PRIMPOL: variants seen among roughly 807,000 people sequenced by gnomAD.
PRIMPOL encodes the protein DNA-directed primase/polymerase protein.
In PRIMPOL, 54 loss-of-function variants were observed where a neutral mutation model predicts 63.6. The observed-to-expected ratio is 0.85, with a 90% CI of 0.68 to 1.07. The LOEUF is 1.07. Ranked by LOEUF, PRIMPOL falls within the 50% of genes least tolerant of loss-of-function variation. The probability of loss-of-function intolerance (pLI) is 0.00; values close to 1 mark genes in which losing one functional copy is unlikely to be tolerated. For synonymous variants in PRIMPOL, 197 were observed against 220.2 expected (o/e 0.89, Z 0.93); for missense variants, 610 against 648.3 (o/e 0.94, Z 0.64).
intron 6 of PRIMPOL, among the ~76,000 whole-genome samples, 153 bp from the exon 7 acceptor site, chr4:184,672,020 G>A (rs909529546): frequency 1.3e-5 from 2 of 152,204 alleles, no homozygotes; most frequent in South Asian, 2.1e-4. Flanking sequence ...GATTACAGGC[G>A]TGAGCCACTG....
chr4:184,668,613 T>C (rs771567603), intron 6 of PRIMPOL, among the ~76,000 whole-genome samples: 13 of 152,128 alleles, frequency 8.5e-5, no homozygotes, highest in Non-Finnish European at 1.9e-4. Flanking sequence ...CCTGGCCTGT[T>C]AGGATTCTGT....
chr4:184,667,048 T>G (rs537754999), intron 6 of PRIMPOL, among the ~76,000 whole-genome samples: 1 of 152,286 alleles, frequency 6.6e-6, no homozygotes, highest in South Asian at 2.1e-4. Flanking sequence ...GCTGCTAGCG[T>G]CTTAGAGTTT....
intron 2 of PRIMPOL, among the ~76,000 whole-genome samples, chr4:184,653,823 C>T (rs1745425762): frequency 6.6e-6 from 1 of 152,174 alleles, no homozygotes; most frequent in Non-Finnish European, 1.5e-5. Flanking sequence ...ACATATTCCC[C>T]CAGAGGGGAG....
Position 184,694,832 on chromosome 4 carries a change from T to A in PRIMPOL, c.*53T>A. 1 of 1,417,726 alleles carries A rather than the reference T, an allele frequency of 7.1e-7. No homozygotes were observed. The highest frequency in any genetic ancestry group is 9.8e-7 in the Non-Finnish European group (1 of 1,018,032). The allele number at this position is 1,417,726 out of a possible 1,614,324, so 87.8% of individuals were successfully genotyped here. ...CAGGCTATAATTTGCCTGATGTCTGTGAGATTTGATAAATATATCATTCAA... is the reference window on the plus strand; with the variant it reads ...CAGGCTATAATTTGCCTGATGTCTGAGAGATTTGATAAATATATCATTCAA... On this transcript the variant is annotated 3_prime_UTR_variant, in exon 14 of 14. Transcript: ENST00000314970.
At chr4:184,678,525 CTTTTTTTTTTTT>C (rs767532493) in intron 8 of PRIMPOL, 131 bp downstream of exon 8, 1 of 338,492 alleles carries the variant, frequency 3.0e-6, no homozygotes, top group Non-Finnish European at 5.1e-6. Flanking sequence ...TCTTACAGCT[CTTTTTTTTTTTT>C]TTTTTTTTGA....
intron 6 of PRIMPOL, among the ~76,000 whole-genome samples, chr4:184,670,683 G>A (rs990699602): frequency 6.6e-6 from 1 of 151,984 alleles, no homozygotes; most frequent in Non-Finnish European, 1.5e-5. Context: ...AGGTAGCTGG[G>A]ATTACAGGTG....
At chr4:184,687,040 A>G (rs1384096400) in intron 11 of PRIMPOL, among the ~76,000 whole-genome samples, 1 of 152,166 alleles carries the variant, frequency 6.6e-6, no homozygotes, top group African/African-American at 2.4e-5. Flanking sequence ...TAACCGTGGA[A>G]TATATCATAC....
chr4:184,662,469 C>G (rs188251091), intron 5 of PRIMPOL, among the ~76,000 whole-genome samples: 3 of 152,150 alleles, frequency 2.0e-5, no homozygotes, highest in Non-Finnish European at 4.4e-5. Context: ...AGAAAAAATA[C>G]TGTAGTTCTT....
At chr4:184,657,435 T>G in intron 3 of PRIMPOL, 115 bp downstream of exon 3, 1 of 863,000 alleles carries the variant, frequency 1.2e-6, no homozygotes, top group South Asian at 2.1e-5. Context: ...TTGTCTTCAT[T>G]TCAGGCCATG....
rs1313438953 is a variant in PRIMPOL at position 184,680,431 on chromosome 4, G to T, written c.1008-1817G>T. 3.3e-5 allele frequency among the ~76,000 whole-genome samples: 5 copies of T among 152,104 alleles called. No individual in the cohort carries two copies. In the East Asian group the frequency reaches 9.6e-4, roughly 29 times the overall value. On this transcript the variant is annotated intron_variant, in intron 8 of 13. Coordinates refer to ENST00000314970, the MANE Select transcript of PRIMPOL (RefSeq NM_152683.4). ...TCAAACTCCTGACCTCATGTGATCT[G>T]CCCACCTTGGCCTCCCAAAGTGCTG...
chr4:184,650,654 T>C (rs1371986815), intron 1 of PRIMPOL, among the ~76,000 whole-genome samples: 3 of 152,192 alleles, frequency 2.0e-5, no homozygotes, highest in Non-Finnish European at 2.9e-5. Context: ...CGTGAACTCA[T>C]TTCAGACCCT....
intron 5 of PRIMPOL, among the ~76,000 whole-genome samples, chr4:184,664,634 T>C (rs1243839947): frequency 2.6e-5 from 4 of 152,168 alleles, no homozygotes; most frequent in Non-Finnish European, 1.5e-5. Context: ...CACTTAGAAG[T>C]GGCATACTTT....
chr4:184,666,159 T>G lies in PRIMPOL; in HGVS notation c.556+95T>G, dbSNP rs1579381651. On this transcript the variant is annotated intron_variant, in intron 6 of 13. Coordinates refer to ENST00000314970, the MANE Select transcript of PRIMPOL (RefSeq NM_152683.4). ...TTTTGTGTGTACTTATCAAGTTTTATGGTCATTAACTTATCCTAAAAAATG... is the reference window on the plus strand; with the variant it reads ...TTTTGTGTGTACTTATCAAGTTTTAGGGTCATTAACTTATCCTAAAAAATG... The G allele has an allele frequency of 5.2e-6, 5 of 968,172 alleles. No individual in the cohort carries two copies. In the East Asian group the frequency reaches 1.4e-4, roughly 27 times the overall value. The allele number at this position is 968,172 out of a possible 1,614,324, so 60.0% of individuals were successfully genotyped here.
chr4:184,675,279 T>A (rs946110945), intron 7 of PRIMPOL, among the ~76,000 whole-genome samples: 3 of 152,218 alleles, frequency 2.0e-5, no homozygotes, highest in Non-Finnish European at 4.4e-5. Context: ...GCAAATGGCA[T>A]CATGTACAGT....
chr4:184,655,562 C>T (rs1746159640), intron 2 of PRIMPOL, among the ~76,000 whole-genome samples: 1 of 152,062 alleles, frequency 6.6e-6, no homozygotes, highest in Admixed American at 6.6e-5. Context: ...CCTCATGATC[C>T]ACCCGCCTCA....
At chr4:184,670,602 G>A (rs1751332405) in intron 6 of PRIMPOL, among the ~76,000 whole-genome samples, 1 of 149,192 alleles carries the variant, frequency 6.7e-6, no homozygotes, top group Non-Finnish European at 1.5e-5. Flanking sequence ...AGGCTGGAGT[G>A]CAGTGGCATG....
intron 13 of PRIMPOL, 98 bp from the exon 14 acceptor site, chr4:184,694,424 T>TTAA (rs1452269241): frequency 1.4e-6 from 2 of 1,474,052 alleles, no homozygotes; most frequent in South Asian, 1.4e-5. Context: ...TATCTGTCAC[T>TTAA]TAATACCTTA....
At chr4:184,657,015 AC>A (rs1156923774) in intron 2 of PRIMPOL, 66 bp from the exon 3 acceptor site, 30 of 719,518 alleles carry the variant, frequency 4.2e-5, no homozygotes, top group Non-Finnish European at 5.9e-5. Context: ...GAGTTTTGAA[AC>A]TTTATCAAAC....
chr4:184,671,800 T>C (rs906180424), intron 6 of PRIMPOL, among the ~76,000 whole-genome samples: 13 of 143,932 alleles, frequency 9.0e-5, no homozygotes, highest in African/African-American at 2.6e-4. Context: ...TGGAGTGCAG[T>C]GGCGCGATCT....
Sources: gnomAD v4.1 joint callset for allele counts (sites outside exome capture counted in the v4.1 genomes callset) on GRCh38, gnomAD v4.1.1 for gene constraint, MANE v1.5 for transcripts, NCBI Gene and HGNC (gene_info 2026-07-23, HGNC 2026-07-21) for gene names.